PPP1R3A: variants seen among roughly 807,000 people sequenced by gnomAD.
The protein encoded by PPP1R3A is RG1.
In PPP1R3A, 29 loss-of-function variants were observed where a neutral mutation model predicts 41.7. The observed-to-expected ratio is 0.70, with a 90% CI of 0.52 to 0.95. The LOEUF is 0.95. Among genes scored for constraint, PPP1R3A ranks in the 40% least tolerant of loss-of-function variants. The probability of loss-of-function intolerance (pLI) is 0.00; values close to 1 mark genes in which losing one functional copy is unlikely to be tolerated. For synonymous variants in PPP1R3A, 485 were observed against 453.4 expected, an observed-to-expected ratio of 1.07 and a Z score of -0.89; for missense variants, 1,352 against 1,292.4, an observed-to-expected ratio of 1.05 and a Z score of -0.71.
intron 1 of PPP1R3A, among the ~76,000 whole-genome samples, chr7:113,889,342 A>G (rs759078223): frequency 6.6e-6 from 1 of 152,182 alleles, no homozygotes; most frequent in African/African-American, 2.4e-5. Flanking sequence ...AGAAATAAAG[A>G]ATTATGCAGA....
rs115949425 is a variant in PPP1R3A, at chr7:113,918,700, G to A, written c.297C>T (p.Phe99=). The change falls in exon 1 of 4, where the codon TTC becomes TTT. Residue 99 remains phenylalanine (F), a synonymous_variant. Coordinates refer to ENST00000284601, the MANE Select transcript of PPP1R3A (RefSeq NM_002711.4). ...STTFDLGTDI[F]HTEEYVLAPL... is the part of the protein sequence containing the mutation. ...GGGCTAAAACATATTCTTCTGTGTG[G>A]AAAATGTCCGTCCCTAAGTCAAAAG... 3 of 1,613,724 alleles carry A rather than the reference G, an allele frequency of 1.9e-6. No individual in the cohort carries two copies. Among genetic ancestry groups the A allele is most frequent in the African/African-American group, 1.3e-5 (1 of 74,996 alleles).
chr7:113,878,264 C>A lies in PPP1R3A; in HGVS notation c.2828G>T (p.Ser943Ile). The A allele has an allele frequency of 1.2e-6, 2 of 1,613,156 alleles. No individual in the cohort carries two copies. Among genetic ancestry groups the A allele is most frequent in the Non-Finnish European group, 8.5e-7 (1 of 1,179,542 alleles). The change falls in exon 4 of 4, where the codon AGC becomes ATC. Residue 943 changes from serine (S) to isoleucine (I), a missense_variant. Transcript: ENST00000284601. Reference sequence around the variant, plus strand: ...TTCTGATTTCGTAGAAATAGGTTGGCTAGCCATGGTAGTAACTGCATTCTC... The same window carrying A: ...TTCTGATTTCGTAGAAATAGGTTGGATAGCCATGGTAGTAACTGCATTCTC... ...AVENAVTTMA[S>I]QPISTKSENI...
At chr7:113,917,102 C>T (rs1207106414) in intron 1 of PPP1R3A, among the ~76,000 whole-genome samples, 3 of 151,998 alleles carry the variant, frequency 2.0e-5, no homozygotes, top group African/African-American at 4.8e-5. Context: ...TTCCCAATAT[C>T]GTATCTTATG....
intron 1 of PPP1R3A, among the ~76,000 whole-genome samples, chr7:113,902,323 G>C (rs1329000355): frequency 1.3e-5 from 2 of 151,738 alleles, no homozygotes; most frequent in Admixed American, 6.6e-5. Context: ...ATATATTCTT[G>C]GTGATAACTT....
chr7:113,915,207 C>T (rs145682377), intron 1 of PPP1R3A, among the ~76,000 whole-genome samples: 1 of 152,148 alleles, frequency 6.6e-6, no homozygotes, highest in East Asian at 1.9e-4. Context: ...AGACAACCCA[C>T]ACCAATGTGG....
rs753983364 is a variant in PPP1R3A, at chr7:113,879,725, G to A, written c.1367C>T (p.Pro456Leu). The A allele has an allele frequency of 2.5e-6, 4 of 1,613,118 alleles. No individual in the cohort carries two copies. The highest frequency in any genetic ancestry group is 3.4e-6 in the Non-Finnish European group (4 of 1,179,648). The part of the protein sequence containing the change: ...HGNGTVQIPC[P>L]SSDQLMAGNL... ...TCCTGCCATTAGTTGATCTGAAGAG[G>A]GGCAAGGTATTTGCACTGTGCCATT... Residue 456 changes from proline (P) to leucine (L), a missense_variant, in exon 4 of 4, where the codon CCC (proline) becomes CTC (leucine). Coordinates refer to ENST00000284601, the MANE Select transcript of PPP1R3A (RefSeq NM_002711.4).
At chr7:113,916,393 C>T (rs1438810349) in intron 1 of PPP1R3A, among the ~76,000 whole-genome samples, 2 of 151,994 alleles carry the variant, frequency 1.3e-5, no homozygotes, top group East Asian at 1.9e-4. Context: ...TACATATCTT[C>T]AACTAGGAGA....
chr7:113,877,758 C>T lies in PPP1R3A; in HGVS notation c.3334G>A (p.Glu1112Lys), dbSNP rs368425000. ...TTGACAGACTCTTTTTGTCTACCCT[C>T]TTCCCAGGATAGCCAGGACAATGAC... ...VLSLSWLSWEEGRQKESVKKK is the reference protein window; with the variant it reads ...VLSLSWLSWEKGRQKESVKKK Residue 1112 changes from glutamate (E) to lysine (K), a missense_variant, in exon 4 of 4, where the codon GAG (glutamate) becomes AAG (lysine). Physicochemically the swap from Glu to Lys is moderately conservative, Grantham distance 56. Transcript: ENST00000284601. 1.3e-6 allele frequency: 2 copies of T among 1,582,502 alleles called. No homozygotes were observed. The highest frequency in any genetic ancestry group is 1.7e-6 in the Non-Finnish European group (2 of 1,165,366).
intron 1 of PPP1R3A, among the ~76,000 whole-genome samples, chr7:113,891,106 A>C (rs894617435): frequency 1.7e-4 from 25 of 150,608 alleles, no homozygotes; most frequent in East Asian, 1.6e-3. Flanking sequence ...AAAAAAAAAA[A>C]AAAAAAAACC....
At chr7:113,916,283 A>G (rs575125972) in intron 1 of PPP1R3A, among the ~76,000 whole-genome samples, 1 of 152,198 alleles carries the variant, frequency 6.6e-6, no homozygotes, top group Middle Eastern at 3.4e-3. Flanking sequence ...AGTTCTTCTC[A>G]GGTTTTTCCC....
In PPP1R3A at chr7:113,891,084, C is replaced by CAAAAAA. The variant is rs11342726; in HGVS notation, c.783-8770_783-8765dup. On this transcript the variant is annotated intron_variant, in intron 1 of 3. Transcript: ENST00000284601. ...GGGTCAATATGTGGTGGAAAAAAAG[C>CAAAAAA]AAAAAAAAAAAAAAAAAAAAAAAAA... 1.1e-3 allele frequency among the ~76,000 whole-genome samples: 86 copies of CAAAAAA among 79,782 alleles called. 7 individuals carry two copies. Among genetic ancestry groups the CAAAAAA allele is most frequent in the African/African-American group, 3.2e-3 (62 of 19,300 alleles). The allele number at this position is 79,782 out of a possible 152,430, so 52.3% of individuals were successfully genotyped here. A position where few individuals can be genotyped will look rare whatever the true frequency, so the allele number is the denominator to read the frequency against.
chr7:113,896,798 A>G (rs1300210572), intron 1 of PPP1R3A, among the ~76,000 whole-genome samples: 1 of 151,882 alleles, frequency 6.6e-6, no homozygotes, highest in Non-Finnish European at 1.5e-5. Flanking sequence ...AGCATCAACT[A>G]TTATTATTAT....
intron 1 of PPP1R3A, among the ~76,000 whole-genome samples, chr7:113,893,986 CT>C (rs1796936604): frequency 6.6e-6 from 1 of 151,886 alleles, no homozygotes; most frequent in African/African-American, 2.4e-5. Flanking sequence ...TCGAAATTTG[CT>C]TTGTTGTGAC....
chr7:113,900,204 G>A (rs944780872), intron 1 of PPP1R3A, among the ~76,000 whole-genome samples: 5 of 151,638 alleles, frequency 3.3e-5, no homozygotes, highest in Non-Finnish European at 7.4e-5. Context: ...ATGTTTTCCA[G>A]TTGTTGCACT....
At chr7:113,898,440 C>A (rs1333406848) in intron 1 of PPP1R3A, among the ~76,000 whole-genome samples, 1 of 151,672 alleles carries the variant, frequency 6.6e-6, no homozygotes, top group Non-Finnish European at 1.5e-5. Context: ...ATATTCCAGG[C>A]AGATGGAATA....
chr7:113,889,613 T>C (rs1191776011), intron 1 of PPP1R3A, among the ~76,000 whole-genome samples: 1 of 152,166 alleles, frequency 6.6e-6, no homozygotes, highest in Non-Finnish European at 1.5e-5. Context: ...AAATTTTCCC[T>C]CACTTCAAAG....
chr7:113,878,575 A>G lies in PPP1R3A; in HGVS notation c.2517T>C (p.Thr839=). 1.9e-6 allele frequency: 3 copies of G among 1,613,630 alleles called. No individual in the cohort carries two copies. Among genetic ancestry groups the G allele is most frequent in the Non-Finnish European group, 2.5e-6 (3 of 1,179,728 alleles). The change falls in exon 4 of 4, where the codon ACT becomes ACC. Residue 839 remains threonine, a synonymous_variant. Transcript: ENST00000284601. ...ATTCTTCCACAGATGTTATATTTCC[A>G]GTGCCACATTTCTCCCTGTCATGTG... ...RKTHDREKCG[T]GNITSVEESS...
In PPP1R3A at chr7:113,878,561, G is replaced by T; in HGVS notation, c.2531C>A (p.Ser844Tyr). 6.2e-7 allele frequency: 1 copy of T among 1,613,592 alleles called. No homozygotes were observed. The highest frequency in any genetic ancestry group is 8.5e-7 in the Non-Finnish European group (1 of 1,179,692). ...AATGACCCATGAGGATTCTTCCACAGATGTTATATTTCCAGTGCCACATTT... is the reference window on the plus strand; with the variant it reads ...AATGACCCATGAGGATTCTTCCACATATGTTATATTTCCAGTGCCACATTT... ...REKCGTGNIT[S>Y]VEESSWVITE... The change falls in exon 4 of 4, where the codon TCT becomes TAT. Residue 844 changes from serine to tyrosine, a missense_variant. Coordinates refer to ENST00000284601, the MANE Select transcript of PPP1R3A (RefSeq NM_002711.4).
Position 113,877,825 on chromosome 7 carries a change from G to A in PPP1R3A, c.3267C>T (p.Val1089=). The change falls in exon 4 of 4, where the codon GTC becomes GTT. Residue 1089 remains valine (V), a synonymous_variant. Transcript: ENST00000284601. ...AGCCAATCATTAAGTCATAATGGTA[G>A]ACAGTTATAAGAAATATCAGAAACA... ...FLLFLIFLIT[V]YHYDLMIGLT... The A allele has an allele frequency of 6.2e-7, 1 of 1,608,790 alleles. No individual in the cohort carries two copies. Among genetic ancestry groups the A allele is most frequent in the Non-Finnish European group, 8.5e-7 (1 of 1,175,808 alleles).
Sources: allele counts gnomAD v4.1 joint callset (sites outside exome capture counted in the v4.1 genomes callset), GRCh38; gene constraint gnomAD v4.1.1; transcripts MANE v1.5; gene names NCBI Gene and HGNC (gene_info 2026-07-23, HGNC 2026-07-21).